The following TBX5 variants were observed in gnomAD, a reference collection of about 807,000 sequenced individuals.
TBX5 encodes the protein T-box transcription factor TBX5.
A neutral mutation model predicts 51.1 loss-of-function variants in TBX5; 8 were observed. The observed-to-expected ratio is 0.16, with a 90% CI of 0.09 to 0.28. The LOEUF (loss-of-function observed/expected upper bound fraction) is 0.28. TBX5 is among the 10% of genes least tolerant of loss of function. TBX5 has a pLI of 1.00. For synonymous variants in TBX5, 302 were observed against 266.4 expected (o/e 1.13, Z -1.30); for missense variants, 589 against 671.7 (o/e 0.88, Z 1.36).
In TBX5 at chr12:114,355,180, T is replaced by A; in HGVS notation, c.*352A>T. 1 of 380,294 alleles carries A rather than the reference T, an allele frequency of 2.6e-6. No homozygotes were observed. The highest frequency in any genetic ancestry group is 5.1e-6 in the Non-Finnish European group (1 of 197,900). 23.6% of individuals were successfully genotyped at this position (380,294 alleles called of 1,614,324 possible). A position where few individuals can be genotyped will look rare whatever the true frequency, so the allele number is the denominator to read the frequency against. ...CCAACTACGCACTAGGGAAAAACAC[T>A]CAATGAGGCAAGACTTTCTAGAGCC... On this transcript the variant is annotated 3_prime_UTR_variant, in exon 9 of 9. Transcript: ENST00000405440.
At chr12:114,407,168 G>T, upstream of TBX5, 2 of 952,048 alleles carry the variant, frequency 2.1e-6, no homozygotes, top group Non-Finnish European at 2.5e-6. Context: ...GCTGCAAAAT[G>T]CCAAAGTGGA....
At position 114,399,526 on chromosome 12, in the gene TBX5, C is replaced by A. The variant is rs1871661412; in HGVS notation, c.349G>T (p.Ala117Ser). 3.1e-6 allele frequency: 5 copies of A among 1,613,806 alleles called. No homozygotes were observed. The highest frequency in any genetic ancestry group is 1.1e-5 in the South Asian group (1 of 91,056). The change falls in exon 4 of 9, where the codon GCA becomes TCA. Residue 117 changes from alanine to serine, a missense_variant. Around this residue, in one of 7 missense-constraint regions of TBX5, gnomAD observed 85 missense variants for 95.6 expected, o/e 0.89. Transcript: ENST00000405440. ...CCCAGTGCCTACCATTTATTATCTG[C>A]GAATTTGTATCTGTGATCGTCGGCA... ...VPADDHRYKF[A>S]DNKWSVTGKA...
At chr12:114,359,269 A>G (rs192753777) in intron 8 of TBX5, among the ~76,000 whole-genome samples, 51 of 152,316 alleles carry the variant, frequency 3.3e-4, no homozygotes, top group African/African-American at 1.1e-3. Flanking sequence ...ATCACATTGT[A>G]AAGAAATTCC....
chr12:114,382,758 C>T lies in TBX5; in HGVS notation c.755+2718G>A, dbSNP rs187922795. On this transcript the variant is annotated intron_variant, in intron 7 of 8. Coordinates refer to ENST00000405440, the MANE Select transcript of TBX5 (RefSeq NM_181486.4). ...GTTGCAGTGAGCGGAGATCGTGCCA[C>T]TGCACTCCAGCCTGGATGACAGAGG... Among the ~76,000 whole-genome samples the T allele has an allele frequency of 2.6e-4, 39 of 152,268 alleles. No homozygotes were observed. The East Asian group carries it at 7.5e-3, about 29-fold the overall frequency.
Position 114,395,830 on chromosome 12 carries a change from G to C in TBX5, c.511-937C>G, listed in dbSNP as rs144546777. On this transcript the variant is annotated intron_variant, in intron 5 of 8. Coordinates refer to ENST00000405440, the MANE Select transcript of TBX5 (RefSeq NM_181486.4). ...TTACAACCACCATTATCATTAGGAAGAGGAGGAGGAGGAGGACTTCCAGGC... is the reference window on the plus strand; with the variant it reads ...TTACAACCACCATTATCATTAGGAACAGGAGGAGGAGGAGGACTTCCAGGC... Among the ~76,000 whole-genome samples, 690 of 152,098 alleles carry C rather than the reference G, an allele frequency of 4.5e-3. 4 individuals carry two copies. Among genetic ancestry groups the C allele is most frequent in the Admixed American group, 8.2e-3 (125 of 15,272 alleles).
In TBX5 at chr12:114,405,860, C is replaced by G. The variant is rs535146392; in HGVS notation, c.-271G>C. ...GCTGTGCGCTTGCTCTCCCTAAATA[C>G]TTCCCAGTTGGCAAGCGCCAAAGAA... is the stretch of plus-strand genomic sequence containing the variant. On this transcript the variant is annotated 5_prime_UTR_variant, in exon 1 of 9. Transcript: ENST00000405440. 3 of 985,394 alleles carry G rather than the reference C, an allele frequency of 3.0e-6. No homozygotes were observed. The highest frequency in any genetic ancestry group is 2.3e-4 in the East Asian group (2 of 8,814). 61.0% of individuals were successfully genotyped at this position (985,394 alleles called of 1,614,324 possible).
intron 7 of TBX5, among the ~76,000 whole-genome samples, chr12:114,377,131 C>T (rs935329502): frequency 2.6e-5 from 4 of 152,154 alleles, no homozygotes; most frequent in African/African-American, 9.7e-5. Flanking sequence ...AAATTACAAC[C>T]CTAAGAGGGG....
chr12:114,388,628 C>A (rs1361103123), intron 6 of TBX5, among the ~76,000 whole-genome samples: 3 of 151,334 alleles, frequency 2.0e-5, no homozygotes, highest in African/African-American at 4.9e-5. Flanking sequence ...TACACATGAG[C>A]CACTATTCCT....
intron 8 of TBX5, among the ~76,000 whole-genome samples, chr12:114,359,193 A>G (rs1244972270): frequency 6.6e-6 from 1 of 152,202 alleles, no homozygotes; most frequent in Non-Finnish European, 1.5e-5. Flanking sequence ...GAGCACTAAG[A>G]AAAACTCAAT....
chr12:114,398,901 C>T (rs541827698), intron 4 of TBX5, among the ~76,000 whole-genome samples, 181 bp from the exon 5 acceptor site: 4 of 152,332 alleles, frequency 2.6e-5, no homozygotes, highest in African/African-American at 9.6e-5. Context: ...ATACTTTGTG[C>T]CTGCGCCCAG....
At chr12:114,375,676 C>T (rs751243725) in intron 7 of TBX5, among the ~76,000 whole-genome samples, 1 of 152,142 alleles carries the variant, frequency 6.6e-6, no homozygotes, top group Non-Finnish European at 1.5e-5. Context: ...GGAATCCTTG[C>T]ACACTGCTGG....
At chr12:114,363,605 T>A (rs977347496) in intron 8 of TBX5, among the ~76,000 whole-genome samples, 2 of 152,126 alleles carry the variant, frequency 1.3e-5, no homozygotes, top group Non-Finnish European at 2.9e-5. Flanking sequence ...GAAAATGAAA[T>A]TTTGAGATTG....
chr12:114,385,944 C>T (rs771481424), intron 6 of TBX5, among the ~76,000 whole-genome samples: 1 of 151,556 alleles, frequency 6.6e-6, no homozygotes, highest in African/African-American at 2.4e-5. Flanking sequence ...TTGACATGAT[C>T]GTTGCACATC....
intron 3 of TBX5, among the ~76,000 whole-genome samples, chr12:114,400,999 C>G (rs1871778388): frequency 6.6e-6 from 1 of 152,168 alleles, no homozygotes; most frequent in South Asian, 2.1e-4. Context: ...GGGGCATCCT[C>G]TGGCTTTTTG....
intron 8 of TBX5, among the ~76,000 whole-genome samples, chr12:114,358,782 TTTGTTTG>T (rs1391828191): frequency 7.7e-5 from 6 of 78,418 alleles, no homozygotes; most frequent in East Asian, 5.1e-4. Context: ...GTTTTTTTTG[TTTGTTTG>T]TTTGTTTGTT....
At chr12:114,378,095 A>G (rs1870295469) in intron 7 of TBX5, among the ~76,000 whole-genome samples, 2 of 152,090 alleles carry the variant, frequency 1.3e-5, no homozygotes, top group South Asian at 4.1e-4. Context: ...CTAAGAGAGC[A>G]AGGAAGTAAA....
At chr12:114,395,715 ATATTCTCT>A (rs1293063419) in intron 5 of TBX5, among the ~76,000 whole-genome samples, 1 of 152,104 alleles carries the variant, frequency 6.6e-6, no homozygotes, top group African/African-American at 2.4e-5. Context: ...TTTTTCGGGA[ATATTCTCT>A]TTCTACTTCC....
At position 114,401,935 on chromosome 12, in the gene TBX5, A is replaced by AAAAAGTCACACT; in HGVS notation, c.148-27_148-16dup. On this transcript the variant is annotated splice_polypyrimidine_tract_variant and intron_variant, in intron 2 of 8. Coordinates refer to ENST00000405440, the MANE Select transcript of TBX5 (RefSeq NM_181486.4). ...CCCTCCATGCCCTGCAAGAAGGAGA[A>AAAAAGTCACACT]AAAAGTCACACTAACAAGCCCTGGC... 2 of 1,612,378 alleles carry AAAAAGTCACACT rather than the reference A, an allele frequency of 1.2e-6. No individual in the cohort carries two copies. Among genetic ancestry groups the AAAAAGTCACACT allele is most frequent in the Non-Finnish European group, 1.7e-6 (2 of 1,178,418 alleles).
At chr12:114,408,063 C>A (rs191773087), upstream of TBX5, 27 of 985,408 alleles carry the variant, frequency 2.7e-5, no homozygotes, top group Non-Finnish European at 3.3e-5. Flanking sequence ...CAGGCGATAG[C>A]GACTATCTCA....
Sources: allele counts gnomAD v4.1 joint callset (sites outside exome capture counted in the v4.1 genomes callset), GRCh38; gene constraint gnomAD v4.1.1; regional missense constraint gnomAD v4.1.1; transcripts MANE v1.5; gene names NCBI Gene and HGNC (gene_info 2026-07-23, HGNC 2026-07-21).